MAPK8IP3: variants seen among roughly 807,000 people sequenced by gnomAD.
MAPK8IP3 encodes mitogen-activated protein kinase 8 interacting protein 3, also known as C-Jun-amino-terminal kinase-interacting protein 3.
Under a neutral mutation model 157.8 loss-of-function variants are expected in MAPK8IP3, and 49 were observed. The observed-to-expected ratio is 0.31, with a 90% CI of 0.25 to 0.39. The LOEUF (loss-of-function observed/expected upper bound fraction) is 0.39, where lower values mean the gene tolerates loss of function less well. Ranked by LOEUF, MAPK8IP3 falls within the 10% of genes least tolerant of loss-of-function variation. The pLI is 1.00. For missense variants in MAPK8IP3, 1,478 were observed against 1,889.4 expected, an observed-to-expected ratio of 0.78 and a Z score of 4.04; for synonymous variants, 897 against 777.7, an observed-to-expected ratio of 1.15 and a Z score of -2.55.
At position 1,770,296 on chromosome 16, in the gene MAPK8IP3, T is replaced by C. The variant is rs2042543153; in HGVS notation, c.*1472T>C. ...CAAACCCACATATCTGCTCTGTATG[T>C]AATAAATGTCTTAACGTCGTAGCTG... On this transcript the variant is annotated 3_prime_UTR_variant, in exon 32 of 32. Coordinates refer to ENST00000610761, the MANE Select transcript of MAPK8IP3 (RefSeq NM_001318852.2). 1 of 239,932 alleles carries C rather than the reference T, an allele frequency of 4.2e-6. No homozygotes were observed. Among genetic ancestry groups the C allele is most frequent in the Admixed American group, 5.2e-5 (1 of 19,098 alleles). The allele number at this position is 239,932 out of a possible 1,614,324, so 14.9% of individuals were successfully genotyped here.
rs1479261379 is a variant in MAPK8IP3 at position 1,768,728 on chromosome 16, G to A, written c.3918G>A (p.Glu1306=). 1 of 1,612,784 alleles carries A rather than the reference G, an allele frequency of 6.2e-7. No homozygotes were observed. The highest frequency in any genetic ancestry group is 1.7e-5 in the Admixed American group (1 of 60,016). The change falls in exon 32 of 32, where the codon GAG becomes GAA. Residue 1306 remains glutamate, a synonymous_variant. Coordinates refer to ENST00000610761, the MANE Select transcript of MAPK8IP3 (RefSeq NM_001318852.2). The stretch of plus-strand genomic sequence containing the variant: ...GAGACGGAGAGGACGACGAGACGGA[G>A]GAGGGCGCAGGGGACATGAGCCAGG... ...RIGDGEDDET[E]EGAGDMSQVK...
chr16:1,708,959 A>G (rs1186170033), intron 1 of MAPK8IP3, among the ~76,000 whole-genome samples: 1 of 152,134 alleles, frequency 6.6e-6, no homozygotes, highest in Non-Finnish European at 1.5e-5. Context: ...GGGACTTGTG[A>G]TCACATAGAC....
chr16:1,753,584 G>T (rs2041423802), intron 8 of MAPK8IP3, among the ~76,000 whole-genome samples: 1 of 151,884 alleles, frequency 6.6e-6, no homozygotes, highest in South Asian at 2.1e-4. Context: ...GGGACTACAG[G>T]TGCCTGCCAC....
chr16:1,735,519 AGCCGTGTGACCG>A (rs2039642663), intron 4 of MAPK8IP3, among the ~76,000 whole-genome samples: 1 of 109,048 alleles, frequency 9.2e-6, no homozygotes, highest in Admixed American at 9.5e-5. Flanking sequence ...CCGTGTGAGC[AGCCGTGTGACCG>A]TCCGTGTGAG....
chr16:1,765,894 G>C (rs2042228129), intron 20 of MAPK8IP3, 66 bp from the exon 21 acceptor site: 2 of 1,449,328 alleles, frequency 1.4e-6, no homozygotes, highest in Admixed American at 2.1e-5. Context: ...CCCTGTGTAA[G>C]TGCTGGGCAC....
intron 2 of MAPK8IP3, among the ~76,000 whole-genome samples, chr16:1,725,963 C>A (rs1053192007): frequency 2.6e-5 from 4 of 152,208 alleles, no homozygotes; most frequent in Admixed American, 1.3e-4. Flanking sequence ...GGATTACAGG[C>A]GCGAGCCACC....
chr16:1,715,169 C>T (rs1008938981), intron 1 of MAPK8IP3, among the ~76,000 whole-genome samples: 2 of 152,144 alleles, frequency 1.3e-5, no homozygotes, highest in African/African-American at 4.8e-5. Flanking sequence ...TGAACCCAGC[C>T]ATCCCTTTCA....
At chr16:1,717,890 C>T in intron 1 of MAPK8IP3, among the ~76,000 whole-genome samples, 1 of 151,144 alleles carries the variant, frequency 6.6e-6, no homozygotes, top group East Asian at 1.9e-4. Context: ...CTCGCTCTAT[C>T]GCCCAGGCTG....
Position 1,706,510 on chromosome 16 carries a change from G to C in MAPK8IP3, c.171G>C (p.Pro57=). ...YDEEVVKELM[P]LVVNVLENLD... Reference sequence around the variant, plus strand: ...AGGAGGTGGTCAAGGAGCTCATGCCGCTGGTGGTGAACGTGCTGGAGAACC... The same window carrying C: ...AGGAGGTGGTCAAGGAGCTCATGCCCCTGGTGGTGAACGTGCTGGAGAACC... The change falls in exon 1 of 32, where the codon CCG becomes CCC. Residue 57 remains proline, a synonymous_variant. Coordinates refer to ENST00000610761, the MANE Select transcript of MAPK8IP3 (RefSeq NM_001318852.2). The surrounding 1 kb of genome is among the most constrained non-coding windows in gnomAD (Gnocchi z 5.1). 6.2e-7 allele frequency: 1 copy of C among 1,614,084 alleles called. No individual in the cohort carries two copies.
At chr16:1,737,924 A>G (rs2040152832) in intron 4 of MAPK8IP3, among the ~76,000 whole-genome samples, 1 of 51,930 alleles carries the variant, frequency 1.9e-5, no homozygotes, top group African/African-American at 8.4e-5. Context: ...GTGTGTGACC[A>G]TCCATGTGAG....
At chr16:1,754,590 G>A (rs1031776347) in intron 8 of MAPK8IP3, among the ~76,000 whole-genome samples, 2 of 152,234 alleles carry the variant, frequency 1.3e-5, no homozygotes, top group East Asian at 1.9e-4. Context: ...TGGCCGACGT[G>A]GTGAAACCCC....
intron 1 of MAPK8IP3, among the ~76,000 whole-genome samples, chr16:1,722,183 CA>C (rs1260952819): frequency 6.6e-6 from 1 of 152,166 alleles, no homozygotes; most frequent in Admixed American, 6.5e-5. Flanking sequence ...TACCGCCGCA[CA>C]AAAAAGTCAT....
At chr16:1,729,782 A>T (rs2039172604) in intron 4 of MAPK8IP3, among the ~76,000 whole-genome samples, 1 of 152,134 alleles carries the variant, frequency 6.6e-6, no homozygotes, top group African/African-American at 2.4e-5. Context: ...TGGGCGACGG[A>T]CATGTGTCGA....
chr16:1,761,572 ACCACCATTCACCATTCACAGGCAGAGCGG>A (rs1567201020), intron 13 of MAPK8IP3, among the ~76,000 whole-genome samples: 25 of 112,482 alleles, frequency 2.2e-4, no homozygotes, highest in African/African-American at 6.8e-4. Flanking sequence ...ACACAGGGCG[ACCACCATTCACCATTCACAGGCAGAGCGG>A]CCACCATTCA....
Position 1,706,225 on chromosome 16 carries a change from A to G in MAPK8IP3, c.-115A>G. 1.1e-6 allele frequency: 1 copy of G among 939,678 alleles called. No homozygotes were observed. The highest frequency in any genetic ancestry group is 1.4e-6 in the Non-Finnish European group (1 of 691,946). 58.2% of individuals were successfully genotyped at this position (939,678 alleles called of 1,614,324 possible). A position where few individuals can be genotyped will look rare whatever the true frequency, so the allele number is the denominator to read the frequency against. On this transcript the variant is annotated 5_prime_UTR_variant, in exon 1 of 32. Coordinates refer to ENST00000610761, the MANE Select transcript of MAPK8IP3 (RefSeq NM_001318852.2). The surrounding 1 kb of genome is among the most constrained non-coding windows in gnomAD (Gnocchi z 5.1). ...CGGCAGCGGCGGCGGCGGAGCCCTGAGGCGACAGCAGCTGCGGGAGGCGAC... is the reference window on the plus strand; with the variant it reads ...CGGCAGCGGCGGCGGCGGAGCCCTGGGGCGACAGCAGCTGCGGGAGGCGAC...
intron 1 of MAPK8IP3, among the ~76,000 whole-genome samples, chr16:1,721,693 G>A (rs918052191): frequency 2.6e-5 from 4 of 152,120 alleles, no homozygotes; most frequent in South Asian, 2.1e-4. Flanking sequence ...CACTCGCCTC[G>A]GCCTCCCAAA....
chr16:1,769,244 C>T lies in MAPK8IP3; in HGVS notation c.*420C>T. The T allele has an allele frequency of 4.9e-6, 1 of 203,836 alleles. No homozygotes were observed. 12.6% of individuals were successfully genotyped at this position (203,836 alleles called of 1,614,324 possible). On this transcript the variant is annotated 3_prime_UTR_variant, in exon 32 of 32. Transcript: ENST00000610761. ...CCTGGGCCCACCTCTGCATGCTGCTCATGGGGCCACCCTGCCTCCTGGGCC... is the reference window on the plus strand; with the variant it reads ...CCTGGGCCCACCTCTGCATGCTGCTTATGGGGCCACCCTGCCTCCTGGGCC...
At position 1,738,740 on chromosome 16, in the gene MAPK8IP3, A is replaced by G. The variant is rs1344666726; in HGVS notation, c.603-4592A>G. On this transcript the variant is annotated intron_variant, in intron 4 of 31. Transcript: ENST00000610761. The stretch of plus-strand genomic sequence containing the variant: ...CCGTGTGAGTGTGACCACCCATGTG[A>G]GCATCTGTGACCGTCCGTGTGAGCG... 2.5e-5 allele frequency among the ~76,000 whole-genome samples: 3 copies of G among 118,168 alleles called. No individual in the cohort carries two copies. The East Asian group carries it at 8.2e-4, about 32-fold the overall frequency. The allele number at this position is 118,168 out of a possible 152,430, so 77.5% of individuals were successfully genotyped here. A position where few individuals can be genotyped will look rare whatever the true frequency, so the allele number is the denominator to read the frequency against.
Position 1,768,180 on chromosome 16 carries a change from C to T in MAPK8IP3, c.3563-19C>T, listed in dbSNP as rs2042390384. The T allele has an allele frequency of 4.3e-6, 7 of 1,611,846 alleles. No homozygotes were observed. Among genetic ancestry groups the T allele is most frequent in the Non-Finnish European group, 5.9e-6 (7 of 1,179,590 alleles). ...CCACCTGTATGCGGGCTCAGCGCCT[C>T]TGGGTTCTCTCCCTGCAGCCAATAA... On this transcript the variant is annotated intron_variant, in intron 29 of 31. Transcript: ENST00000610761.
Sources: allele counts gnomAD v4.1 joint callset (sites outside exome capture counted in the v4.1 genomes callset), GRCh38; gene constraint gnomAD v4.1.1; non-coding constraint Gnocchi (gnomAD v3.1); transcripts MANE v1.5; gene names NCBI Gene and HGNC (gene_info 2026-07-23, HGNC 2026-07-21).